SHC3: variants seen among roughly 807,000 people sequenced by gnomAD.
The protein encoded by SHC3 is SHC adaptor protein 3.
In SHC3, 15 loss-of-function variants were observed where a neutral mutation model predicts 60.4. That is an observed-to-expected ratio of 0.25 (90% CI 0.17 to 0.38). The LOEUF is 0.38. SHC3 is among the 10% of genes least tolerant of loss of function. The pLI is 1.00. For missense variants in SHC3, 677 were observed against 786.1 expected (o/e 0.86, Z 1.66); for synonymous variants, 294 against 325.9 (o/e 0.90, Z 1.05).
At chr9:89,093,715 G>C (rs1825659644) in intron 2 of SHC3, among the ~76,000 whole-genome samples, 1 of 152,096 alleles carries the variant, frequency 6.6e-6, no homozygotes, top group African/African-American at 2.4e-5. Context: ...TGATGGGGTG[G>C]GGAACAGGGG....
At chr9:89,013,608 T>C (rs376183658) in intron 11 of SHC3, 33 bp from the exon 12 acceptor site, 2 of 1,595,632 alleles carry the variant, frequency 1.3e-6, no homozygotes, top group African/African-American at 2.7e-5. Flanking sequence ...GTTAAGCACA[T>C]CTCACAGGCA....
intron 3 of SHC3, among the ~76,000 whole-genome samples, chr9:89,076,847 G>A (rs985699034): frequency 2.6e-5 from 4 of 152,056 alleles, no homozygotes; most frequent in African/African-American, 4.8e-5. Flanking sequence ...AAAAATGAAT[G>A]TATGTAAACT....
rs1435334160 is a variant in SHC3 at position 89,045,830 on chromosome 9, C to A, written c.1117G>T (p.Ala373Ser). 6.2e-7 allele frequency: 1 copy of A among 1,613,922 alleles called. No individual in the cohort carries two copies. The highest frequency in any genetic ancestry group is 8.5e-7 in the Non-Finnish European group (1 of 1,179,882). ...TGGTAATAAGTCTGCTCTTTTCCTG[C>A]AAACTATAGACACATGTAAATACAC... ...RPHAPDTAQFAGKEQTYYQGR... is the reference protein window; with the variant it reads ...RPHAPDTAQFSGKEQTYYQGR... The change falls in exon 9 of 12, where the codon GCA (alanine) becomes TCA (serine). Residue 373 changes from alanine (A) to serine (S), a missense_variant. Physicochemically the swap from Ala to Ser is moderately conservative, Grantham distance 99 (BLOSUM62 1). Transcript: ENST00000375835.
At chr9:89,107,263 T>A (rs557563257) in intron 2 of SHC3, among the ~76,000 whole-genome samples, 1 of 152,288 alleles carries the variant, frequency 6.6e-6, no homozygotes, top group East Asian at 1.9e-4. Flanking sequence ...CCCTCTTCCA[T>A]GTTTCTGGGG....
At chr9:89,013,926 G>A (rs1826051837) in intron 11 of SHC3, among the ~76,000 whole-genome samples, 1 of 152,132 alleles carries the variant, frequency 6.6e-6, no homozygotes. Context: ...GCCCTCTCAG[G>A]ATAGCCCTGA....
intron 11 of SHC3, among the ~76,000 whole-genome samples, chr9:89,025,225 C>T (rs1826272743): frequency 6.6e-6 from 1 of 152,112 alleles, no homozygotes; most frequent in Admixed American, 6.5e-5. Flanking sequence ...TACGCACACA[C>T]ACATACACAC....
chr9:89,083,368 A>G (rs1181285289), intron 2 of SHC3, among the ~76,000 whole-genome samples: 1 of 152,250 alleles, frequency 6.6e-6, no homozygotes, highest in Middle Eastern at 3.2e-3. Flanking sequence ...ACCAGGAAGG[A>G]GCACAGCAGG....
chr9:89,112,185 C>T (rs1394792976), intron 2 of SHC3, among the ~76,000 whole-genome samples: 5 of 152,166 alleles, frequency 3.3e-5, no homozygotes, highest in Admixed American at 3.3e-4. Context: ...TGGAAAGTCT[C>T]TCTTGACATC....
chr9:89,109,441 C>T, intron 2 of SHC3: 1 of 985,400 alleles, frequency 1.0e-6, no homozygotes, highest in Non-Finnish European at 1.2e-6. Context: ...TGCTCAGAGA[C>T]ATGATGGAGT....
chr9:89,098,192 T>C (rs1221903849), intron 2 of SHC3, among the ~76,000 whole-genome samples: 1 of 152,020 alleles, frequency 6.6e-6, no homozygotes, highest in Admixed American at 6.5e-5. Context: ...AAAATGTCAA[T>C]GTCAAGAAAG....
chr9:89,075,932 G>A (rs984349196), intron 3 of SHC3, among the ~76,000 whole-genome samples: 8 of 152,104 alleles, frequency 5.3e-5, no homozygotes, highest in Admixed American at 2.6e-4. Context: ...ACCTGGGTGG[G>A]CAATGCCCTT....
chr9:89,158,166 T>C (rs952499738), intron 1 of SHC3, among the ~76,000 whole-genome samples: 2 of 151,982 alleles, frequency 1.3e-5, no homozygotes, highest in Admixed American at 1.3e-4. Flanking sequence ...CTTTGCACTG[T>C]TGCTATGTCC....
chr9:89,127,476 G>T (rs1209510523), intron 1 of SHC3, among the ~76,000 whole-genome samples: 2 of 152,126 alleles, frequency 1.3e-5, no homozygotes, highest in Non-Finnish European at 2.9e-5. Flanking sequence ...ATGCCCCACA[G>T]AACCTGTTTT....
intron 2 of SHC3, among the ~76,000 whole-genome samples, chr9:89,110,720 G>A (rs558624984): frequency 6.6e-6 from 1 of 152,214 alleles, no homozygotes; most frequent in South Asian, 2.1e-4. Context: ...TAAAACCCAA[G>A]GCAATTCTGG....
chr9:89,094,058 T>C (rs148460135), intron 2 of SHC3, among the ~76,000 whole-genome samples: 1 of 149,276 alleles, frequency 6.7e-6, no homozygotes, highest in African/African-American at 2.5e-5. Context: ...GAGCCGAGAT[T>C]GCACCATTGC....
intron 1 of SHC3, among the ~76,000 whole-genome samples, chr9:89,121,900 G>T (rs1414107628): frequency 6.6e-6 from 1 of 152,342 alleles, no homozygotes; most frequent in East Asian, 1.9e-4. Flanking sequence ...CAATTGCACA[G>T]AGGTAGTCCA....
chr9:89,071,516 G>A (rs1825270631), intron 4 of SHC3, among the ~76,000 whole-genome samples: 1 of 152,164 alleles, frequency 6.6e-6, no homozygotes, highest in African/African-American at 2.4e-5. Context: ...CACTTTACAG[G>A]TGAGGAGCCA....
chr9:89,142,064 C>T (rs998952049), intron 1 of SHC3, among the ~76,000 whole-genome samples: 3 of 152,110 alleles, frequency 2.0e-5, no homozygotes, highest in African/African-American at 7.2e-5. Context: ...AATTCTGTCG[C>T]CCACAGCCAT....
chr9:89,118,594 A>G (rs79429629), intron 1 of SHC3, among the ~76,000 whole-genome samples: 8,900 of 152,134 alleles, frequency 0.059, 349 homozygotes, highest in Admixed American at 0.11. Context: ...ACACAGATCA[A>G]GAGAGAAACA....
Sources: allele counts gnomAD v4.1 joint callset (sites outside exome capture counted in the v4.1 genomes callset), GRCh38; gene constraint gnomAD v4.1.1; transcripts MANE v1.5; gene names NCBI Gene and HGNC (gene_info 2026-07-23, HGNC 2026-07-21).